Variants in SH3PXD2B observed in about 807,000 individuals in gnomAD.
The protein encoded by SH3PXD2B is SH3 and PX domains 2B.
In SH3PXD2B, 37 loss-of-function variants were observed where a neutral mutation model predicts 73.1. The observed-to-expected ratio is 0.51, with a 90% CI of 0.39 to 0.67. The LOEUF is 0.67. SH3PXD2B is among the 30% of genes least tolerant of loss of function. SH3PXD2B has a pLI of 0.00. For missense variants in SH3PXD2B, 1,053 were observed against 1,197.8 expected, an observed-to-expected ratio of 0.88 and a Z score of 1.78; for synonymous variants, 457 against 480.5, an observed-to-expected ratio of 0.95 and a Z score of 0.64.
At chr5:172,431,845 G>T (rs1326498146) in intron 1 of SH3PXD2B, among the ~76,000 whole-genome samples, 1 of 152,148 alleles carries the variant, frequency 6.6e-6, no homozygotes, top group African/African-American at 2.4e-5. Flanking sequence ...ACATAACTTT[G>T]TTGCGTGTGT....
At chr5:172,414,556 C>T (rs760140885) in intron 2 of SH3PXD2B, among the ~76,000 whole-genome samples, 7 of 151,274 alleles carry the variant, frequency 4.6e-5, no homozygotes, top group Non-Finnish European at 1.0e-4. Context: ...TTGGGACAGT[C>T]TCTGGAGAGA....
chr5:172,417,488 C>T (rs1223180884), intron 2 of SH3PXD2B, among the ~76,000 whole-genome samples: 2 of 152,214 alleles, frequency 1.3e-5, no homozygotes, highest in East Asian at 3.8e-4. Context: ...TTCTCAGTTA[C>T]ACTCAGCTAA....
At chr5:172,359,076 G>A (rs1757344157) in intron 7 of SH3PXD2B, among the ~76,000 whole-genome samples, 199 bp from the exon 8 acceptor site, 1 of 152,148 alleles carries the variant, frequency 6.6e-6, no homozygotes, top group Admixed American at 6.6e-5. Context: ...CTGAGCCTGG[G>A]ACAGGGAAGA....
At position 172,337,797 on chromosome 5, in the gene SH3PXD2B, C is replaced by T. The variant is rs1445002771; in HGVS notation, c.*572G>A. ...CATCCAGTGGAACCTCAGAGGCCCA[C>T]GGGCCTGAGGCTTTGGGGAAGGGGA... On this transcript the variant is annotated 3_prime_UTR_variant, in exon 13 of 13. Coordinates refer to ENST00000311601, the MANE Select transcript of SH3PXD2B (RefSeq NM_001017995.3). 1.0e-5 allele frequency: 10 copies of T among 996,654 alleles called. No individual in the cohort carries two copies. In the East Asian group the frequency reaches 3.2e-4, roughly 32 times the overall value. The allele number at this position is 996,654 out of a possible 1,614,324, so 61.7% of individuals were successfully genotyped here.
rs369555721 is a variant in SH3PXD2B at position 172,353,884 on chromosome 5, G to C, written c.785+4C>G. ...CAGCAACCGTGGGGGGCAGCGGCTG[G>C]TACCTGATCTTCCACCAGCCTTCCA... is the stretch of plus-strand genomic sequence containing the variant. On this transcript the variant is annotated splice_donor_region_variant and intron_variant, in intron 9 of 12. Transcript: ENST00000311601. This position sits in a 1 kb window ranked among gnomAD's most constrained non-coding sequence, Gnocchi z 4.3. 1.1e-4 allele frequency: 171 copies of C among 1,612,682 alleles called. No individual in the cohort carries two copies. The African/African-American group carries it at 2.1e-3, about 20-fold the overall frequency.
chr5:172,333,553 A>G lies in SH3PXD2B; in HGVS notation c.*4816T>C, dbSNP rs1430991127. On this transcript the variant is annotated 3_prime_UTR_variant, in exon 13 of 13. Transcript: ENST00000311601. ...ACTTTTTTTATTTAAAAAAAAAAAA[A>G]GGAAAGAAGTCAAATGGTAAAGTAT... 1.7e-6 allele frequency: 2 copies of G among 1,160,302 alleles called. No individual in the cohort carries two copies. Among genetic ancestry groups the G allele is most frequent in the African/African-American group, 1.7e-5 (1 of 58,386 alleles). The allele number at this position is 1,160,302 out of a possible 1,614,324, so 71.9% of individuals were successfully genotyped here. A position where few individuals can be genotyped will look rare whatever the true frequency, so the allele number is the denominator to read the frequency against.
At chr5:172,343,626 C>A (rs1756908350) in intron 12 of SH3PXD2B, among the ~76,000 whole-genome samples, 1 of 152,038 alleles carries the variant, frequency 6.6e-6, no homozygotes, top group African/African-American at 2.4e-5. Flanking sequence ...CACGGTGAAA[C>A]CCCGTCTCTA....
At chr5:172,447,257 A>G (rs1759690361) in intron 1 of SH3PXD2B, among the ~76,000 whole-genome samples, 1 of 152,228 alleles carries the variant, frequency 6.6e-6, no homozygotes, top group South Asian at 2.1e-4. Context: ...ACACAGACTC[A>G]TATTTTCATC....
chr5:172,339,242 G>T lies in SH3PXD2B; in HGVS notation c.1863C>A (p.Asp621Glu), dbSNP rs1210657401. Residue 621 changes from aspartate (D) to glutamate (E), a missense_variant, in exon 13 of 13, where the codon GAC becomes GAA. Around this residue, in one of 2 missense-constraint regions of SH3PXD2B, gnomAD observed 587 missense variants for 590.7 expected, o/e 0.99. Coordinates refer to ENST00000311601, the MANE Select transcript of SH3PXD2B (RefSeq NM_001017995.3). This position sits in a 1 kb window ranked among gnomAD's most constrained non-coding sequence, Gnocchi z 6.1. ...TGGCATCTGGCTTCTCCTCTGGCAG[G>T]TCAGTTTTGGATTTGGAGATGGGCC... is the stretch of plus-strand genomic sequence containing the variant. The part of the protein sequence containing the change: ...NLRPISKSKT[D>E]LPEEKPDATP... 1 of 1,614,222 alleles carries T rather than the reference G, an allele frequency of 6.2e-7. No individual in the cohort carries two copies. The highest frequency in any genetic ancestry group is 1.1e-5 in the South Asian group (1 of 91,090).
At chr5:172,364,520 C>G (rs1386553734) in intron 6 of SH3PXD2B, among the ~76,000 whole-genome samples, 1 of 152,074 alleles carries the variant, frequency 6.6e-6, no homozygotes, top group African/African-American at 2.4e-5. Flanking sequence ...CAAAAAGGAG[C>G]TGGGCATGCT....
Position 172,339,641 on chromosome 5 carries a change from C to A in SH3PXD2B, c.1464G>T (p.Trp488Cys), listed in dbSNP as rs1459932052. ...MDSGLPWSKD[W>C]KGSKDVLRKA... is the part of the protein sequence containing the mutation. The stretch of plus-strand genomic sequence containing the variant: ...TCCTCAGGACATCCTTACTGCCCTT[C>A]CAGTCTTTAGACCATGGCAACCCCG... The change falls in exon 13 of 13, where the codon TGG becomes TGT. Residue 488 changes from tryptophan (W) to cysteine (C), a missense_variant. Trp to Cys is a radical substitution (Grantham distance 215). Around this residue, in one of 2 missense-constraint regions of SH3PXD2B, gnomAD observed 587 missense variants for 590.7 expected, o/e 0.99. Coordinates refer to ENST00000311601, the MANE Select transcript of SH3PXD2B (RefSeq NM_001017995.3). This position sits in a 1 kb window ranked among gnomAD's most constrained non-coding sequence, Gnocchi z 6.1. 1 of 1,614,248 alleles carries A rather than the reference C, an allele frequency of 6.2e-7. No individual in the cohort carries two copies. Among genetic ancestry groups the A allele is most frequent in the East Asian group, 2.2e-5 (1 of 44,884 alleles).
intron 1 of SH3PXD2B, among the ~76,000 whole-genome samples, chr5:172,451,420 C>CT (rs35090444): frequency 0.01 from 1,541 of 152,198 alleles, 19 homozygotes; most frequent in Non-Finnish European, 0.016. Context: ...GCCTGGAGGC[C>CT]TTTTGGGTGT....
chr5:172,352,073 A>C (rs960120187), intron 9 of SH3PXD2B, among the ~76,000 whole-genome samples: 3 of 152,190 alleles, frequency 2.0e-5, no homozygotes, highest in Non-Finnish European at 2.9e-5. Flanking sequence ...TGCAGCCCTT[A>C]CTGACATCCT....
intron 8 of SH3PXD2B, among the ~76,000 whole-genome samples, chr5:172,357,100 C>G (rs1307697397): frequency 1.4e-4 from 16 of 111,404 alleles, no homozygotes; most frequent in African/African-American, 5.0e-4. Context: ...GCCTGAGTAA[C>G]AGAGTGAGAC....
chr5:172,350,212 T>G, intron 10 of SH3PXD2B, 151 bp downstream of exon 10: 1 of 711,152 alleles, frequency 1.4e-6, no homozygotes. Context: ...TGGAATAAGT[T>G]ACCCGGGGTT....
intron 7 of SH3PXD2B, among the ~76,000 whole-genome samples, chr5:172,360,593 A>G (rs2731705): frequency 0.38 from 57,896 of 152,108 alleles, 11,404 homozygotes; most frequent in East Asian, 0.65. Context: ...GCAGTTTGGG[A>G]GGCTGAGGCG....
intron 3 of SH3PXD2B, among the ~76,000 whole-genome samples, chr5:172,401,678 T>C (rs1758424355): frequency 6.6e-6 from 1 of 152,200 alleles, no homozygotes; most frequent in Admixed American, 6.5e-5. Context: ...ATTGTGAAGA[T>C]TTCATGGACA....
chr5:172,349,538 C>T (rs1757111365), intron 10 of SH3PXD2B, among the ~76,000 whole-genome samples: 1 of 152,258 alleles, frequency 6.6e-6, no homozygotes, highest in Non-Finnish European at 1.5e-5. Context: ...GAGTAGAGCC[C>T]ACAAGGCCAT....
chr5:172,440,910 C>T (rs1048045491), intron 1 of SH3PXD2B, among the ~76,000 whole-genome samples: 10 of 152,122 alleles, frequency 6.6e-5, no homozygotes, highest in Non-Finnish European at 1.5e-4. Flanking sequence ...AAGAACCTGT[C>T]TCTTGGGGGC....
Sources: allele counts gnomAD v4.1 joint callset (sites outside exome capture counted in the v4.1 genomes callset), GRCh38; gene constraint gnomAD v4.1.1; regional missense constraint gnomAD v4.1.1; non-coding constraint Gnocchi (gnomAD v3.1); transcripts MANE v1.5; gene names NCBI Gene and HGNC (gene_info 2026-07-23, HGNC 2026-07-21).